The following KANSL1 variants were observed in gnomAD, a reference collection of about 807,000 sequenced individuals.
KANSL1 encodes the protein MLL1/MLL complex subunit KANSL1.
A neutral mutation model predicts 103.6 loss-of-function variants in KANSL1; 22 were observed. That is an observed-to-expected ratio of 0.21 (90% confidence interval 0.15 to 0.30). The LOEUF is 0.30. Ranked by LOEUF, KANSL1 falls within the 10% of genes least tolerant of loss-of-function variation. The pLI, the probability that KANSL1 is intolerant of heterozygous loss-of-function variation, is 1.00. For missense variants in KANSL1, 1,337 were observed against 1,399.8 expected (o/e 0.96, Z 0.72); for synonymous variants, 600 against 527.6 (o/e 1.14, Z -1.88).
At chr17:46,189,215 C>T (rs1360522416) in intron 1 of KANSL1, among the ~76,000 whole-genome samples, 1 of 152,006 alleles carries the variant, frequency 6.6e-6, no homozygotes, top group Non-Finnish European at 1.5e-5. Flanking sequence ...AGCGAGACCC[C>T]GAGACCTCGT....
chr17:46,190,347 C>T (rs1430217351), intron 1 of KANSL1, among the ~76,000 whole-genome samples: 1 of 152,184 alleles, frequency 6.6e-6, no homozygotes, highest in Non-Finnish European at 1.5e-5. Flanking sequence ...GCAGGTTTAA[C>T]CAGAGAAATA....
intron 2 of KANSL1, among the ~76,000 whole-genome samples, chr17:46,110,015 C>T (rs1338320511): frequency 6.6e-6 from 1 of 152,174 alleles, no homozygotes; most frequent in Non-Finnish European, 1.5e-5. Context: ...AGTGCCTTAA[C>T]TGTAGAACAG....
chr17:46,083,002 C>T (rs1381915480), intron 3 of KANSL1, among the ~76,000 whole-genome samples: 1 of 152,168 alleles, frequency 6.6e-6, no homozygotes, highest in East Asian at 1.9e-4. Flanking sequence ...AAATGTGGAA[C>T]AGTCCCCTAC....
At chr17:46,180,064 TAA>T (rs1280293623) in intron 1 of KANSL1, among the ~76,000 whole-genome samples, 16,685 of 138,730 alleles carry the variant, frequency 0.12, no homozygotes, top group Non-Finnish European at 0.18. Context: ...GACTCCATCT[TAA>T]AAAAAAAAAA....
intron 1 of KANSL1, among the ~76,000 whole-genome samples, chr17:46,184,122 G>C (rs987952322): frequency 6.6e-6 from 1 of 152,162 alleles, no homozygotes; most frequent in African/African-American, 2.4e-5. Flanking sequence ...CTAAATGCCA[G>C]ATACAAGATA....
At position 46,084,454 on chromosome 17, in the gene KANSL1, C is replaced by T. The variant is rs570004606; in HGVS notation, c.1432-1912G>A. ...GTAGATCACACCTGTAATCCTAGCA[C>T]TTGGGGAGGTTGAGGTTAGGAGTGC... On this transcript the variant is annotated intron_variant, in intron 3 of 14. Coordinates refer to ENST00000432791, the MANE Select transcript of KANSL1 (RefSeq NM_015443.4). Among the ~76,000 whole-genome samples, 8 of 151,758 alleles carry T rather than the reference C, an allele frequency of 5.3e-5. No homozygotes were observed. The South Asian group carries it at 6.2e-4, about 12-fold the overall frequency.
intron 2 of KANSL1, among the ~76,000 whole-genome samples, chr17:46,132,159 G>C (rs2043895267): frequency 6.6e-6 from 1 of 151,950 alleles, no homozygotes; most frequent in African/African-American, 2.4e-5. Flanking sequence ...GTATACAGGA[G>C]TCCTAAAAAC....
At chr17:46,177,999 C>G (rs1028256352) in intron 1 of KANSL1, among the ~76,000 whole-genome samples, 4 of 152,046 alleles carry the variant, frequency 2.6e-5, no homozygotes, top group Admixed American at 6.5e-5. Context: ...GGATGGTCTC[C>G]ATCTCCTGAC....
At chr17:46,201,355 A>C (rs1217405522) in intron 1 of KANSL1, among the ~76,000 whole-genome samples, 3 of 152,228 alleles carry the variant, frequency 2.0e-5, no homozygotes, top group Non-Finnish European at 4.4e-5. Context: ...AATTTAATCA[A>C]GGATTATAGT....
At chr17:46,127,416 AAT>A (rs1462331521) in intron 2 of KANSL1, among the ~76,000 whole-genome samples, 1 of 152,254 alleles carries the variant, frequency 6.6e-6, no homozygotes, top group Non-Finnish European at 1.5e-5. Context: ...ACTCCTTTAG[AAT>A]CTGGCAGGTT....
Position 46,208,581 on chromosome 17 carries a change from C to A in KANSL1, c.-90+15090G>T, listed in dbSNP as rs190621778. On this transcript the variant is annotated intron_variant, in intron 1 of 14. Coordinates refer to the KANSL1 transcript ENST00000572904. ...GGTTGCAGTGATCCAAGTGCCACTG[C>A]ACTCTAGCCTGGATGACAGAGGGAG... Among the ~76,000 whole-genome samples, 93 of 146,568 alleles carry A rather than the reference C, an allele frequency of 6.3e-4. 1 individual carries two copies. Among genetic ancestry groups the A allele is most frequent in the Non-Finnish European group, 1.2e-4 (8 of 67,412 alleles).
chr17:46,143,417 C>T (rs539394861), intron 2 of KANSL1, among the ~76,000 whole-genome samples: 2 of 152,094 alleles, frequency 1.3e-5, no homozygotes, highest in African/African-American at 4.8e-5. Flanking sequence ...TCGCTTGAAC[C>T]CGCGAGACAG....
In KANSL1 at chr17:46,031,459, A is replaced by T. The variant is rs567243937; in HGVS notation, c.*17T>A. On this transcript the variant is annotated 3_prime_UTR_variant, in exon 15 of 15. Transcript: ENST00000432791. Reference sequence around the variant, plus strand: ...ATGCCAATAGTTAGTGAGTCTGTTTAGATGGCTGTCTCCCGCTCATCTGTG... The same window carrying T: ...ATGCCAATAGTTAGTGAGTCTGTTTTGATGGCTGTCTCCCGCTCATCTGTG... The T allele has an allele frequency of 1.3e-4, 212 of 1,580,856 alleles. 3 individuals carry two copies. In the South Asian group the frequency reaches 2.3e-3, roughly 17 times the overall value.
At chr17:46,126,165 A>G (rs1371187585) in intron 2 of KANSL1, among the ~76,000 whole-genome samples, 1 of 152,088 alleles carries the variant, frequency 6.6e-6, no homozygotes, top group African/African-American at 2.4e-5. Context: ...TGAAAAAGTA[A>G]AAGTCGGCCG....
intron 2 of KANSL1, among the ~76,000 whole-genome samples, chr17:46,146,779 G>C (rs1466114153): frequency 9.5e-6 from 1 of 104,958 alleles, no homozygotes; most frequent in Non-Finnish European, 2.4e-5. Flanking sequence ...CTTGCAGTGA[G>C]CCGAGATCCC....
At chr17:46,077,023 T>C (rs2078800743) in intron 4 of KANSL1, among the ~76,000 whole-genome samples, 1 of 152,224 alleles carries the variant, frequency 6.6e-6, no homozygotes, top group South Asian at 2.1e-4. Context: ...GCTTTTTTCT[T>C]GCAATATTGC....
chr17:46,063,603 A>G (rs1417063417), intron 6 of KANSL1, among the ~76,000 whole-genome samples: 1 of 152,200 alleles, frequency 6.6e-6, no homozygotes, highest in Non-Finnish European at 1.5e-5. Context: ...CATGCAGCTT[A>G]CTTTTGTGTC....
At chr17:46,061,819 C>T (rs760175709) in intron 6 of KANSL1, among the ~76,000 whole-genome samples, 2 of 152,140 alleles carry the variant, frequency 1.3e-5, no homozygotes, top group South Asian at 2.1e-4. Flanking sequence ...TGGCCGGGCG[C>T]GGTGGCTCAC....
At chr17:46,071,231 A>G (rs2078566404) in intron 4 of KANSL1, among the ~76,000 whole-genome samples, 4 of 152,210 alleles carry the variant, frequency 2.6e-5, no homozygotes, top group Admixed American at 2.6e-4. Flanking sequence ...TGTCAAGAAC[A>G]TAGAGGTATA....
Sources: allele counts gnomAD v4.1 joint callset (sites outside exome capture counted in the v4.1 genomes callset), GRCh38; gene constraint gnomAD v4.1.1; transcripts MANE v1.5; gene names NCBI Gene and HGNC (gene_info 2026-07-23, HGNC 2026-07-21).